WDR75: variants seen among roughly 807,000 people sequenced by gnomAD.
WDR75 encodes the protein WD repeat-containing protein 75.
Under a neutral mutation model 106.1 loss-of-function variants are expected in WDR75, and 52 were observed. The ratio of observed to expected loss-of-function variants is 0.49; its 90% CI spans 0.39 to 0.62. The LOEUF is 0.62. Among genes scored for constraint, WDR75 ranks in the 20% least tolerant of loss-of-function variants. The pLI, the probability that WDR75 is intolerant of heterozygous loss-of-function variation, is 0.00. For synonymous variants in WDR75, 333 were observed against 335.5 expected (o/e 0.99, Z 0.08); for missense variants, 905 against 970.3 (o/e 0.93, Z 0.89).
intron 2 of WDR75, chr2:189,449,369 AAAGTTAAGT>A (rs1558981501): frequency 2.2e-5 from 28 of 1,291,020 alleles, no homozygotes; most frequent in Non-Finnish European, 2.7e-5. Flanking sequence ...TCTAAAAATC[AAAGTTAAGT>A]AACTTTTCTA....
chr2:189,474,365 T>A, intron 19 of WDR75, 33 bp downstream of exon 19: 1 of 1,583,658 alleles, frequency 6.3e-7, no homozygotes, highest in Non-Finnish European at 8.6e-7. Context: ...TGAAACAGAT[T>A]AAATGCACTT....
rs1686795904 is a variant in WDR75 at position 189,458,745 on chromosome 2, T to TC, written c.570-7dup. 6.5e-7 allele frequency: 1 copy of TC among 1,536,714 alleles called. No homozygotes were observed. The highest frequency in any genetic ancestry group is 8.8e-7 in the Non-Finnish European group (1 of 1,142,346). On this transcript the variant is annotated splice_region_variant and splice_polypyrimidine_tract_variant and intron_variant, in intron 6 of 20. Transcript: ENST00000314761. ...TAATTAAGGGAATTTGTTTTTTTTTTCTCCTAGGTTTACTTTATCATCATC... is the reference window on the plus strand; with the variant it reads ...TAATTAAGGGAATTTGTTTTTTTTTTCCTCCTAGGTTTACTTTATCATCATC...
Position 189,458,770 on chromosome 2 carries a change from C to T in WDR75, c.587C>T (p.Ser196Leu). The change falls in exon 7 of 21, where the codon TCA (serine) becomes TTA (leucine). Residue 196 changes from serine (S) to leucine (L), a missense_variant. Transcript: ENST00000314761. ...TCTCCTAGGTTTACTTTATCATCAT[C>T]AAGAAATAAGAAGCATGCTAAAAAC... ...KTTSRFTLSS[S>L]RNKKHAKNNF... The T allele has an allele frequency of 6.3e-7, 1 of 1,582,030 alleles. No individual in the cohort carries two copies. Among genetic ancestry groups the T allele is most frequent in the Non-Finnish European group, 8.6e-7 (1 of 1,164,014 alleles).
intron 8 of WDR75, among the ~76,000 whole-genome samples, chr2:189,460,485 G>A (rs1686855185): frequency 6.6e-6 from 1 of 151,570 alleles, no homozygotes; most frequent in African/African-American, 2.4e-5. Context: ...CCATATGTAT[G>A]TGTCTGTATA....
At position 189,463,693 on chromosome 2, in the gene WDR75, GAGATAATA is replaced by G. The variant is rs1686944992; in HGVS notation, c.939_946del (p.Lys313AsnfsTer7). 6.2e-7 allele frequency: 1 copy of G among 1,613,542 alleles called. No homozygotes were observed. Among genetic ancestry groups the G allele is most frequent in the African/African-American group, 1.3e-5 (1 of 74,852 alleles). On this transcript the variant is annotated frameshift_variant and splice_region_variant, in exon 10 of 21. Transcript: ENST00000314761. LOFTEE classifies it high-confidence loss of function. ...AAATACCTATTTTTTTCTACCCACA[GAGATAATA>G]ATTATTCACCGAAACCTTGAAGCAT...
intron 8 of WDR75, 57 bp from the exon 9 acceptor site, chr2:189,462,427 T>G: frequency 6.4e-7 from 1 of 1,574,262 alleles, no homozygotes; most frequent in Admixed American, 1.8e-5. Flanking sequence ...ATTATATTTT[T>G]CTTTCTCTTT....
chr2:189,441,682 G>C, intron 1 of WDR75, 104 bp downstream of exon 1: 2 of 1,346,160 alleles, frequency 1.5e-6, no homozygotes, highest in Admixed American at 2.0e-5. Flanking sequence ...CCGCCTGGCG[G>C]ATATCGGCTT....
At position 189,455,324 on chromosome 2, in the gene WDR75, A is replaced by G. The variant is rs1045119437; in HGVS notation, c.378A>G (p.Ile126Met). 2 of 1,613,870 alleles carry G rather than the reference A, an allele frequency of 1.2e-6. No individual in the cohort carries two copies. Among genetic ancestry groups the G allele is most frequent in the Non-Finnish European group, 1.7e-6 (2 of 1,179,928 alleles). ...FVIVNKEKPDIFQLVSVKLPK... is the reference protein window; with the variant it reads ...FVIVNKEKPDMFQLVSVKLPK... The stretch of plus-strand genomic sequence containing the variant: ...AATATAGCTTTCTTTGGCTAGATAT[A>G]TTTCAGCTGGTTTCAGTGAAACTGC... The change falls in exon 5 of 21, where the codon ATA (isoleucine) becomes ATG (methionine). Residue 126 changes from isoleucine (I) to methionine (M), a missense_variant. Coordinates refer to ENST00000314761, the MANE Select transcript of WDR75 (RefSeq NM_032168.3).
At chr2:189,458,476 A>G (rs1033927259) in intron 6 of WDR75, among the ~76,000 whole-genome samples, 1 of 152,184 alleles carries the variant, frequency 6.6e-6, no homozygotes, top group African/African-American at 2.4e-5. Context: ...AATCACTAAA[A>G]TCTTTACTTA....
intron 12 of WDR75, 74 bp from the exon 13 acceptor site, chr2:189,466,351 C>T (rs1686999257): frequency 2.0e-6 from 3 of 1,502,400 alleles, no homozygotes; most frequent in African/African-American, 1.4e-5. Context: ...GTAAAATGTA[C>T]AGCATGTCAG....
intron 8 of WDR75, among the ~76,000 whole-genome samples, chr2:189,460,152 T>C (rs990763425): frequency 6.6e-6 from 1 of 152,226 alleles, no homozygotes; most frequent in African/African-American, 2.4e-5. Flanking sequence ...GTCAGTTTAT[T>C]TGACTGGTTC....
chr2:189,465,315 C>T, intron 12 of WDR75, 61 bp downstream of exon 12: 2 of 1,477,548 alleles, frequency 1.4e-6, no homozygotes, highest in Non-Finnish European at 1.8e-6. Context: ...TCCCATTTTA[C>T]AGTTTCAATT....
chr2:189,449,176 T>G, intron 2 of WDR75: 1 of 1,173,866 alleles, frequency 8.5e-7, no homozygotes, highest in Non-Finnish European at 1.1e-6. Flanking sequence ...GCAAATCTAC[T>G]AAAATTTTAT....
rs201590922 is a variant in WDR75, at chr2:189,463,765, C to T, written c.997+12C>T. On this transcript the variant is annotated intron_variant, in intron 10 of 20. Coordinates refer to ENST00000314761, the MANE Select transcript of WDR75 (RefSeq NM_032168.3). Reference sequence around the variant, plus strand: ...AGGCCTAGTGAAAGGTATTGCAGAACTCAGTGGATTTGGAATCATGAACAT... The same window carrying T: ...AGGCCTAGTGAAAGGTATTGCAGAATTCAGTGGATTTGGAATCATGAACAT... 41 of 1,613,628 alleles carry T rather than the reference C, an allele frequency of 2.5e-5. No homozygotes were observed. The East Asian group carries it at 8.5e-4, about 33-fold the overall frequency.
rs776034802 is a variant in WDR75 at position 189,441,538 on chromosome 2, G to C, written c.46G>C (p.Glu16Gln). The change falls in exon 1 of 21, where the codon GAG (glutamate) becomes CAG (glutamine). Residue 16 changes from glutamate (E) to glutamine (Q), a missense_variant. Transcript: ENST00000314761. ...CCGCGTGGTTCGTTGTGGCGGCAGC[G>C]AGTTGAACTTTAGGAGAGCTGTGTT... ...NIRVVRCGGS[E>Q]LNFRRAVFSA... 5 of 1,564,856 alleles carry C rather than the reference G, an allele frequency of 3.2e-6. No individual in the cohort carries two copies. The South Asian group carries it at 4.7e-5, about 15-fold the overall frequency.
chr2:189,456,256 G>A (rs1686733694), intron 5 of WDR75, among the ~76,000 whole-genome samples: 1 of 152,104 alleles, frequency 6.6e-6, no homozygotes, highest in African/African-American at 2.4e-5. Flanking sequence ...ACAGGATATA[G>A]AGCAAAGTTA....
Position 189,441,508 on chromosome 2 carries a change from A to G in WDR75, c.16A>G (p.Asn6Asp), listed in dbSNP as rs777740324. The G allele has an allele frequency of 6.4e-7, 1 of 1,565,122 alleles. No individual in the cohort carries two copies. The highest frequency in any genetic ancestry group is 1.2e-5 in the South Asian group (1 of 85,016). The change falls in exon 1 of 21, where the codon AAC (asparagine) becomes GAC (aspartate). Residue 6 changes from asparagine to aspartate, a missense_variant. Coordinates refer to ENST00000314761, the MANE Select transcript of WDR75 (RefSeq NM_032168.3). The stretch of plus-strand genomic sequence containing the variant: ...CTGCGCAAAGATGGTGGAGGAGGAG[A>G]ACATCCGCGTGGTTCGTTGTGGCGG... MVEEENIRVVRCGGSE... is the reference protein window; with the variant it reads MVEEEDIRVVRCGGSE...
chr2:189,462,430 TTCTCTTTTTTCCTCA>T, intron 8 of WDR75, 39 bp from the exon 9 acceptor site: 1 of 1,577,294 alleles, frequency 6.3e-7, no homozygotes, highest in Non-Finnish European at 8.6e-7. Flanking sequence ...ATATTTTTCT[TTCTCTTTTTTCCTCA>T]AAACACCATC....
intron 1 of WDR75, among the ~76,000 whole-genome samples, chr2:189,443,843 AAT>A (rs1686438335): frequency 6.6e-6 from 1 of 152,196 alleles, no homozygotes; most frequent in African/African-American, 2.4e-5. Flanking sequence ...ACTCTGGAAG[AAT>A]AGAGACCAGG....
Sources: gnomAD v4.1 joint callset for allele counts (sites outside exome capture counted in the v4.1 genomes callset) on GRCh38, gnomAD v4.1.1 for gene constraint, MANE v1.5 for transcripts, NCBI Gene and HGNC (gene_info 2026-07-23, HGNC 2026-07-21) for gene names.